Variants in CACNA1C observed in about 807,000 individuals in gnomAD.
The protein encoded by CACNA1C is calcium voltage-gated channel subunit alpha1 C, also known as voltage-dependent L-type calcium channel subunit alpha-1C.
Under a neutral mutation model 229.0 loss-of-function variants are expected in CACNA1C, and 30 were observed. That is an observed-to-expected ratio of 0.13 (90% confidence interval 0.10 to 0.18). The LOEUF (loss-of-function observed/expected upper bound fraction) is 0.18. CACNA1C is among the 10% of genes least tolerant of loss of function. CACNA1C has a pLI of 1.00. For missense variants in CACNA1C, 1,658 were observed against 2,845.0 expected, an observed-to-expected ratio of 0.58 and a Z score of 9.49; for synonymous variants, 1,114 against 1,132.5, an observed-to-expected ratio of 0.98 and a Z score of 0.33.
Position 2,585,226 on chromosome 12 carries a change from C to G in CACNA1C, c.2340-150C>G, listed in dbSNP as rs749850754. 1.6e-5 allele frequency: 11 copies of G among 669,600 alleles called. No individual in the cohort carries two copies. Among genetic ancestry groups the G allele is most frequent in the Middle Eastern group, 3.9e-4 (1 of 2,554 alleles). 41.5% of individuals were successfully genotyped at this position (669,600 alleles called of 1,614,324 possible). A position where few individuals can be genotyped will look rare whatever the true frequency, so the allele number is the denominator to read the frequency against. ...ATAGCACTTGTGACTGAGCTGCACA[C>G]GAGAAGCGTCCTGGAGAAAGGAAGA... is the stretch of plus-strand genomic sequence containing the variant. On this transcript the variant is annotated intron_variant, in intron 16 of 46. Coordinates refer to ENST00000399655, the MANE Select transcript of CACNA1C (RefSeq NM_000719.7). The surrounding 1 kb of genome is among the most constrained non-coding windows in gnomAD (Gnocchi z 4.1).
intron 3 of CACNA1C, among the ~76,000 whole-genome samples, chr12:2,387,936 T>C (rs2098421182): frequency 6.6e-6 from 1 of 152,124 alleles, no homozygotes. Context: ...AGATCTGTAC[T>C]AAGAGAACTT....
chr12:2,638,357 G>A (rs771749261), intron 30 of CACNA1C, among the ~76,000 whole-genome samples: 11 of 152,254 alleles, frequency 7.2e-5, no homozygotes, highest in Non-Finnish European at 1.6e-4. Flanking sequence ...ATCGGGAGAA[G>A]AGGTAGCAGG....
chr12:2,249,368 T>C (rs973008861), intron 3 of CACNA1C, among the ~76,000 whole-genome samples: 5 of 152,230 alleles, frequency 3.3e-5, no homozygotes, highest in African/African-American at 1.2e-4. Context: ...ATGTCTTGTC[T>C]GTGACTGTTT....
intron 5 of CACNA1C, among the ~76,000 whole-genome samples, chr12:2,480,405 T>C (rs2283316): frequency 0.66 from 99,706 of 152,110 alleles, 33,628 homozygotes; most frequent in East Asian, 0.88. Context: ...TACCCTATTC[T>C]GCTTCTTTAA....
At chr12:2,688,297 A>G (rs2097628237) in intron 45 of CACNA1C, 150 bp from the exon 46 acceptor site, 4 of 684,684 alleles carry the variant, frequency 5.8e-6, no homozygotes, top group Non-Finnish European at 1.0e-5. Context: ...TTGAGATAGG[A>G]CCGACAGGGG....
At chr12:2,198,218 T>G (rs190810808) in intron 3 of CACNA1C, among the ~76,000 whole-genome samples, 2 of 152,276 alleles carry the variant, frequency 1.3e-5, no homozygotes, top group African/African-American at 4.8e-5. Flanking sequence ...CCTTCGTCCT[T>G]TAAGACAATA....
chr12:2,076,511 C>T (rs2063251134), intron 1 of CACNA1C, among the ~76,000 whole-genome samples: 1 of 152,010 alleles, frequency 6.6e-6, no homozygotes, highest in African/African-American at 2.4e-5. Context: ...TACCTACCTC[C>T]CCCCTCCCTT....
intron 3 of CACNA1C, among the ~76,000 whole-genome samples, chr12:2,368,732 C>T (rs1210851247): frequency 6.6e-6 from 1 of 152,038 alleles, no homozygotes; most frequent in African/African-American, 2.4e-5. Context: ...AATCAACAGC[C>T]CAGGGTGTAT....
chr12:2,674,486 G>A (rs1235159254), intron 38 of CACNA1C, 55 bp from the exon 39 acceptor site: 7 of 1,531,296 alleles, frequency 4.6e-6, no homozygotes, highest in Admixed American at 2.0e-5. Context: ...TTACGCAGAG[G>A]GACCCAGCCC....
At chr12:2,657,154 G>A (rs980405290) in intron 34 of CACNA1C, among the ~76,000 whole-genome samples, 2 of 152,096 alleles carry the variant, frequency 1.3e-5, no homozygotes, top group African/African-American at 4.8e-5. Flanking sequence ...CAAAGAAATA[G>A]AATGAGCAGA....
chr12:2,006,549 C>T lies in CACNA1C; in HGVS notation c.139+35348C>T, dbSNP rs1400530177. ...GAACAACTGTGCAGACATTACTACT[C>T]ACATTCATAAATTCTTACCTATTTG... On this transcript the variant is annotated intron_variant, in intron 1 of 46. Transcript: ENST00000682462. 2.6e-5 allele frequency among the ~76,000 whole-genome samples: 4 copies of T among 152,196 alleles called. No homozygotes were observed. The East Asian group carries it at 5.8e-4, about 22-fold the overall frequency.
At chr12:2,114,375 G>A (rs894945443) in intron 1 of CACNA1C, among the ~76,000 whole-genome samples, 1 of 152,138 alleles carries the variant, frequency 6.6e-6, no homozygotes, top group Admixed American at 6.5e-5. Context: ...GGGATGCAAC[G>A]TGGCTTTTTT....
chr12:2,410,286 C>T lies in CACNA1C; in HGVS notation c.478-38690C>T, dbSNP rs1444668151. Among the ~76,000 whole-genome samples the T allele has an allele frequency of 6.6e-6, 1 of 152,180 alleles. No homozygotes were observed. The highest frequency in any genetic ancestry group is 6.5e-5 in the Admixed American group (1 of 15,284). On this transcript the variant is annotated intron_variant, in intron 3 of 46. Transcript: ENST00000399655. This position sits in a 1 kb window ranked among gnomAD's most constrained non-coding sequence, Gnocchi z 5.3. ...CCGGGCACCGTTTTAGCAGCCCCAC[C>T]ACCCATTTTTGGAAACACAACCCTG...
intron 8 of CACNA1C, among the ~76,000 whole-genome samples, chr12:2,508,208 C>T (rs1598410566): frequency 6.6e-6 from 1 of 152,344 alleles, no homozygotes; most frequent in Non-Finnish European, 1.5e-5. Flanking sequence ...TGCATTCCAA[C>T]AATTAAGGAT....
At chr12:2,051,035 A>G (rs990429736), upstream of CACNA1C, among the ~76,000 whole-genome samples, 6 of 152,220 alleles carry the variant, frequency 3.9e-5, no homozygotes, top group Non-Finnish European at 5.9e-5. Context: ...AATAAGCAAT[A>G]AAGTTAATGA....
intron 1 of CACNA1C, among the ~76,000 whole-genome samples, chr12:2,011,888 A>G (rs1159466654): frequency 6.6e-6 from 1 of 152,182 alleles, no homozygotes; most frequent in African/African-American, 2.4e-5. Flanking sequence ...GTAGATTGCT[A>G]ATCCAGGTGA....
chr12:2,562,995 A>G (rs2048315690), intron 11 of CACNA1C, among the ~76,000 whole-genome samples: 1 of 152,122 alleles, frequency 6.6e-6, no homozygotes, highest in African/African-American at 2.4e-5. Context: ...TATTTATTCT[A>G]TTTAACTATA....
At chr12:2,550,167 C>T in intron 10 of CACNA1C, 134 bp downstream of exon 10, 1 of 721,660 alleles carries the variant, frequency 1.4e-6, no homozygotes, top group South Asian at 1.7e-5. Flanking sequence ...AGAAACAAAC[C>T]TCAGGTGGGA....
Position 2,651,599 on chromosome 12 carries a change from T to C in CACNA1C, c.3946-41T>C. 1 of 1,613,768 alleles carries C rather than the reference T, an allele frequency of 6.2e-7. No homozygotes were observed. Among genetic ancestry groups the C allele is most frequent in the Non-Finnish European group, 8.5e-7 (1 of 1,179,814 alleles). On this transcript the variant is annotated intron_variant, in intron 31 of 46. Transcript: ENST00000399655. The surrounding 1 kb of genome is among the most constrained non-coding windows in gnomAD (Gnocchi z 5.4). ...GGGCCCTCCTGTTCTCACCCCCCTCTTGCTGTGCTAACTGCACCTCCTGTT... is the reference window on the plus strand; with the variant it reads ...GGGCCCTCCTGTTCTCACCCCCCTCCTGCTGTGCTAACTGCACCTCCTGTT...
Sources: gnomAD v4.1 joint callset for allele counts (sites outside exome capture counted in the v4.1 genomes callset) on GRCh38, gnomAD v4.1.1 for gene constraint, Gnocchi (gnomAD v3.1) non-coding constraint, MANE v1.5 for transcripts, NCBI Gene and HGNC (gene_info 2026-07-23, HGNC 2026-07-21) for gene names.